The following ZNF772 variants were observed in gnomAD, a reference collection of about 807,000 sequenced individuals.
ZNF772 encodes zinc finger protein 772.
A neutral mutation model predicts 11.0 loss-of-function variants in ZNF772; 8 were observed. That is an observed-to-expected ratio of 0.73 (90% CI 0.43 to 1.31). ZNF772 has a LOEUF of 1.31. Ranked by LOEUF, ZNF772 falls within the 50% of genes most tolerant of loss-of-function variation. The probability of loss-of-function intolerance (pLI) is 0.01; values close to 1 mark genes in which losing one functional copy is unlikely to be tolerated. For missense variants in ZNF772, 496 were observed against 552.3 expected (o/e 0.90, Z 1.02); for synonymous variants, 155 against 180.4 (o/e 0.86, Z 1.13).
In ZNF772 at chr19:57,474,196, A is replaced by T. The variant is rs2089255067; in HGVS notation, c.425T>A (p.Phe142Tyr). The T allele has an allele frequency of 1.2e-6, 2 of 1,614,126 alleles. No homozygotes were observed. Among genetic ancestry groups the T allele is most frequent in the Non-Finnish European group, 1.7e-6 (2 of 1,180,006 alleles). ...MCVLCGKQFC[F>Y]SANLHQHQKQ... ...CTGGTGCTGGTGAAGGTTTGCACTG[A>T]AGCAGAACTGTTTCCCACACAGCAC... The change falls in exon 4 of 4, where the codon TTC (phenylalanine) becomes TAC (tyrosine). Residue 142 changes from phenylalanine to tyrosine, a missense_variant. Transcript: ENST00000356584.
At position 57,475,617 on chromosome 19, in the gene ZNF772, C is replaced by T. The variant is rs777134499; in HGVS notation, c.199+43G>A. 1 of 1,612,862 alleles carries T rather than the reference C, an allele frequency of 6.2e-7. No individual in the cohort carries two copies. The highest frequency in any genetic ancestry group is 1.1e-5 in the South Asian group (1 of 91,080). ...GATGCCCTGAAAAAAAGGGGAAGGG[C>T]AGGACCCAGTCCAAGTCACTGGGGT... is the stretch of plus-strand genomic sequence containing the variant. On this transcript the variant is annotated intron_variant, in intron 3 of 3. Transcript: ENST00000356584. This position sits in a 1 kb window ranked among gnomAD's most constrained non-coding sequence, Gnocchi z 4.2.
Position 57,473,636 on chromosome 19 carries a change from T to C in ZNF772, c.985A>G (p.Ser329Gly). The C allele has an allele frequency of 6.2e-7, 1 of 1,614,144 alleles. No homozygotes were observed. Among genetic ancestry groups the C allele is most frequent in the Non-Finnish European group, 8.5e-7 (1 of 1,179,996 alleles). ...TATGGCCTTTCTCCAGTATGGATAC[T>C]CTCATGCTGAACAAGTGTAGATTTG... ...SHKSTLVQHE[S>G]IHTGERPYEC... The change falls in exon 4 of 4, where the codon AGT becomes GGT. Residue 329 changes from serine to glycine, a missense_variant. By Grantham distance (56) the Ser-to-Gly change is moderately conservative. Coordinates refer to ENST00000356584, the MANE Select transcript of ZNF772 (RefSeq NM_001144068.2).
chr19:57,474,380 G>A lies in ZNF772; in HGVS notation c.241C>T (p.Gln81Ter). Residue 81 changes from glutamine to a stop codon, truncating the protein, a stop_gained, in exon 4 of 4, where the codon CAG becomes TAG. Transcript: ENST00000356584. LOFTEE classifies it low-confidence loss of function (END_TRUNC). ...TGTGACATTCCTATAGAAAAGCTCTGCTCAAAAGGTATCTCTTCATCCTCC... is the reference window on the plus strand; with the variant it reads ...TGTGACATTCCTATAGAAAAGCTCTACTCAAAAGGTATCTCTTCATCCTCC... ...GMEDEEIPFE[Q>*]SFSIGMSQIR... is the part of the protein sequence containing the mutation. 6.2e-7 allele frequency: 1 copy of A among 1,610,998 alleles called. No homozygotes were observed. The highest frequency in any genetic ancestry group is 8.5e-7 in the Non-Finnish European group (1 of 1,179,878).
rs1344519322 is a variant in ZNF772, at chr19:57,477,260, G to A, written c.33+17C>T. The A allele has an allele frequency of 6.2e-7, 1 of 1,613,064 alleles. No homozygotes were observed. Among genetic ancestry groups the A allele is most frequent in the South Asian group, 1.1e-5 (1 of 90,874 alleles). On this transcript the variant is annotated intron_variant, in intron 1 of 3. Transcript: ENST00000356584. ...GAGATGGGGGTCAGCGCGCAGACTCGCAGACGCAGCACCCACCTGTGCCGG... is the reference window on the plus strand; with the variant it reads ...GAGATGGGGGTCAGCGCGCAGACTCACAGACGCAGCACCCACCTGTGCCGG...
Position 57,473,860 on chromosome 19 carries a change from T to G in ZNF772, c.761A>C (p.Glu254Ala), listed in dbSNP as rs748391629. 9 of 1,614,096 alleles carry G rather than the reference T, an allele frequency of 5.6e-6. No individual in the cohort carries two copies. The highest frequency in any genetic ancestry group is 1.7e-5 in the Admixed American group (1 of 60,008). ...AAAGGTTTTCCCACATTCACCGCAC[T>G]CATAAGGCCTTTCTCCAGTGTGGAC... is the stretch of plus-strand genomic sequence containing the variant. Reference protein sequence around the residue: ...QRVHTGERPYECGECGKTFSR... With the variant: ...QRVHTGERPYACGECGKTFSR... Residue 254 changes from glutamate to alanine, a missense_variant, in exon 4 of 4, where the codon GAG (glutamate) becomes GCG (alanine). By Grantham distance (107) the Glu-to-Ala change is moderately radical. Coordinates refer to ENST00000356584, the MANE Select transcript of ZNF772 (RefSeq NM_001144068.2).
In ZNF772 at chr19:57,473,467, C is replaced by A. The variant is rs1446361252; in HGVS notation, c.1154G>T (p.Arg385Ile). 6.2e-7 allele frequency: 1 copy of A among 1,614,080 alleles called. No individual in the cohort carries two copies. Among genetic ancestry groups the A allele is most frequent in the Non-Finnish European group, 8.5e-7 (1 of 1,180,032 alleles). Reference protein sequence around the residue: ...SQSSDLIAHQRVHNGEKPYVC... With the variant: ...SQSSDLIAHQIVHNGEKPYVC... Reference sequence around the variant, plus strand: ...ATAAGGCTTTTCACCATTATGAACTCTTTGATGTGCAATAAGGTCAGAGCT... The same window carrying A: ...ATAAGGCTTTTCACCATTATGAACTATTTGATGTGCAATAAGGTCAGAGCT... Residue 385 changes from arginine (R) to isoleucine (I), a missense_variant, in exon 4 of 4, where the codon AGA (arginine) becomes ATA (isoleucine). Coordinates refer to ENST00000356584, the MANE Select transcript of ZNF772 (RefSeq NM_001144068.2).
chr19:57,474,993 G>A, intron 3 of ZNF772: 1 of 1,613,772 alleles, frequency 6.2e-7, no homozygotes, highest in Non-Finnish European at 8.5e-7. Flanking sequence ...ACCCAGCCCT[G>A]ACATCACACC....
At position 57,476,628 on chromosome 19, in the gene ZNF772, C is replaced by T. The variant is rs1257639573; in HGVS notation, c.72+6G>A. The T allele has an allele frequency of 2.5e-6, 4 of 1,613,500 alleles. No homozygotes were observed. Among genetic ancestry groups the T allele is most frequent in the Non-Finnish European group, 3.4e-6 (4 of 1,179,632 alleles). ...ATCGGTGAGAGCATGGACATTCTCC[C>T]CTCACCTGTATAGGGTCCACAATTA... On this transcript the variant is annotated splice_donor_region_variant and intron_variant, in intron 2 of 3. Coordinates refer to ENST00000356584, the MANE Select transcript of ZNF772 (RefSeq NM_001144068.2).
At position 57,470,540 on chromosome 19, in the gene ZNF772, G is replaced by A. The variant is rs994864845; in HGVS notation, c.*2734C>T. ...AAAAGAAATGAAATCCAATAAAAGC[G>A]GAAGGCATTAGTAAAACTCAAAATG... On this transcript the variant is annotated 3_prime_UTR_variant, in exon 4 of 4. Coordinates refer to ENST00000356584, the MANE Select transcript of ZNF772 (RefSeq NM_001144068.2). 2 of 151,864 alleles carry A rather than the reference G, an allele frequency of 1.3e-5. No homozygotes were observed. Among genetic ancestry groups the A allele is most frequent in the Non-Finnish European group, 2.9e-5 (2 of 67,986 alleles). 9.4% of individuals were successfully genotyped at this position (151,864 alleles called of 1,614,324 possible).
Position 57,474,351 on chromosome 19 carries a change from G to C in ZNF772, c.270C>G (p.Ile90Met). 1.2e-6 allele frequency: 2 copies of C among 1,613,446 alleles called. No homozygotes were observed. The highest frequency in any genetic ancestry group is 1.7e-6 in the Non-Finnish European group (2 of 1,180,048). Residue 90 changes from isoleucine to methionine, a missense_variant, in exon 4 of 4, where the codon ATC becomes ATG. Ile to Met is a conservative substitution (Grantham distance 10, BLOSUM62 1). Coordinates refer to ENST00000356584, the MANE Select transcript of ZNF772 (RefSeq NM_001144068.2). ...TAGAAGGACCTCCCTTGGGAATCCT[G>C]ATCTGTGACATTCCTATAGAAAAGC... ...EQSFSIGMSQ[I>M]RIPKGGPSTQ...
rs561493787 is a variant in ZNF772, at chr19:57,471,514, G to A, written c.*1760C>T. On this transcript the variant is annotated 3_prime_UTR_variant, in exon 4 of 4. Coordinates refer to ENST00000356584, the MANE Select transcript of ZNF772 (RefSeq NM_001144068.2). ...AAGAAAAAAACCATATAGGATTATG[G>A]TCACCAGAGTCCAAGAAAACGCCCC... 6.6e-6 allele frequency: 1 copy of A among 152,260 alleles called. No homozygotes were observed. The highest frequency in any genetic ancestry group is 1.9e-4 in the East Asian group (1 of 5,184). 9.4% of individuals were successfully genotyped at this position (152,260 alleles called of 1,614,324 possible).
chr19:57,477,422 C>T lies in ZNF772; in HGVS notation c.-113G>A, dbSNP rs1318377041. ...GGCAGCGCCACTGTCAAGCCTCAGG[C>T]CCACCTCTCTTCAGGGAAGAAGACA... On this transcript the variant is annotated 5_prime_UTR_variant, in exon 1 of 4. Transcript: ENST00000356584. The T allele has an allele frequency of 4.4e-6, 5 of 1,132,174 alleles. No homozygotes were observed. The Admixed American group carries it at 1.0e-4, about 23-fold the overall frequency. The allele number at this position is 1,132,174 out of a possible 1,614,324, so 70.1% of individuals were successfully genotyped here.
In ZNF772 at chr19:57,469,951, T is replaced by C. The variant is rs1360734399; in HGVS notation, c.*3323A>G. ...ATGTACTCTGACCACAATGGAATTA[T>C]TGCAGAAACTACCAGAAAGATAAGC... is the stretch of plus-strand genomic sequence containing the variant. On this transcript the variant is annotated 3_prime_UTR_variant, in exon 4 of 4. Transcript: ENST00000356584. 6.6e-6 allele frequency: 1 copy of C among 152,222 alleles called. No individual in the cohort carries two copies. The highest frequency in any genetic ancestry group is 6.5e-5 in the Admixed American group (1 of 15,276). 9.4% of individuals were successfully genotyped at this position (152,222 alleles called of 1,614,324 possible). A position where few individuals can be genotyped will look rare whatever the true frequency, so the allele number is the denominator to read the frequency against.
intron 1 of ZNF772, among the ~76,000 whole-genome samples, chr19:57,476,882 T>G (rs1384725594): frequency 1.3e-5 from 2 of 152,212 alleles, no homozygotes; most frequent in Non-Finnish European, 2.9e-5. Context: ...CTGCCCTCCA[T>G]GAGCAGTCTA....
rs1299308828 is a variant in ZNF772 at position 57,476,679 on chromosome 19, G to T, written c.34-7C>A. 4.4e-6 allele frequency: 7 copies of T among 1,589,764 alleles called. No homozygotes were observed. In the African/African-American group the frequency reaches 9.4e-5, roughly 21 times the overall value. ...CTTCTGAGTTCATGGGAACCTGTGG[G>T]GAAGAGGGAGACTATGCGAGTCAAG... On this transcript the variant is annotated splice_polypyrimidine_tract_variant and splice_region_variant and intron_variant, in intron 1 of 3. Transcript: ENST00000356584.
chr19:57,473,396 C>G lies in ZNF772; in HGVS notation c.1225G>C (p.Val409Leu). 2 of 1,613,632 alleles carry G rather than the reference C, an allele frequency of 1.2e-6. No homozygotes were observed. Among genetic ancestry groups the G allele is most frequent in the South Asian group, 2.2e-5 (2 of 91,050 alleles). The change falls in exon 4 of 4, where the codon GTT (valine) becomes CTT (leucine). Residue 409 changes from valine to leucine, a missense_variant. Physicochemically the swap from Val to Leu is conservative, Grantham distance 32. Coordinates refer to ENST00000356584, the MANE Select transcript of ZNF772 (RefSeq NM_001144068.2). ...GKAFSHKHVLVQHHRIHTGER... is the reference protein window; with the variant it reads ...GKAFSHKHVLLQHHRIHTGER... ...CCAGTGTGAATTCTATGATGCTGAA[C>G]AAGTACATGTTTGTGGCTAAAGGCT...
Position 57,474,233 on chromosome 19 carries a change from G to C in ZNF772, c.388C>G (p.Pro130Ala), listed in dbSNP as rs1373353931. ...TTCCCACACAGCACACACATGTATG[G>C]TTTCTGCCCTGGGTGTGTTTCCTGG... ...EHQETHPGQK[P>A]YMCVLCGKQF... The change falls in exon 4 of 4, where the codon CCA (proline) becomes GCA (alanine). Residue 130 changes from proline (P) to alanine (A), a missense_variant. Coordinates refer to ENST00000356584, the MANE Select transcript of ZNF772 (RefSeq NM_001144068.2). 6.2e-7 allele frequency: 1 copy of C among 1,614,044 alleles called. No individual in the cohort carries two copies. Among genetic ancestry groups the C allele is most frequent in the Admixed American group, 1.7e-5 (1 of 60,008 alleles).
Position 57,474,144 on chromosome 19 carries a change from A to G in ZNF772, c.477T>C (p.Phe159=), listed in dbSNP as rs781628312. ...HQKQHSGEKP[F]RSDKSRPFLL... ...GAAAGGGCCTGCTCTTATCACTTCT[A>G]AAGGGTTTCTCTCCACTGTGCTGCT... Residue 159 remains phenylalanine (F), a synonymous_variant, in exon 4 of 4, where the codon TTT becomes TTC. Transcript: ENST00000356584. 2 of 1,614,228 alleles carry G rather than the reference A, an allele frequency of 1.2e-6. No individual in the cohort carries two copies. Among genetic ancestry groups the G allele is most frequent in the East Asian group, 2.2e-5 (1 of 44,878 alleles).
chr19:57,474,899 A>G, intron 3 of ZNF772: 1 of 1,381,510 alleles, frequency 7.2e-7, no homozygotes, highest in Non-Finnish European at 9.9e-7. Flanking sequence ...TGGAACATCC[A>G]GAGGCCAAAG....
Sources: allele counts gnomAD v4.1 joint callset (sites outside exome capture counted in the v4.1 genomes callset), GRCh38; gene constraint gnomAD v4.1.1; non-coding constraint Gnocchi (gnomAD v3.1); transcripts MANE v1.5; gene names NCBI Gene and HGNC (gene_info 2026-07-23, HGNC 2026-07-21).